SF3B6: variants seen among roughly 807,000 people sequenced by gnomAD.
SF3B6 encodes the protein SF3b 14 kDa subunit.
SF3B6 carries 3 observed loss-of-function variants against 15.9 expected under a neutral mutation model. The observed-to-expected ratio is 0.19, with a 90% CI of 0.09 to 0.49. The LOEUF (loss-of-function observed/expected upper bound fraction) is 0.49, where lower values mean the gene tolerates loss of function less well. SF3B6 is among the 20% of genes least tolerant of loss of function. The pLI, the probability that SF3B6 is intolerant of heterozygous loss-of-function variation, is 0.97. For missense variants in SF3B6, 71 were observed against 154.3 expected, an observed-to-expected ratio of 0.46 and a Z score of 2.86; for synonymous variants, 49 against 51.1, an observed-to-expected ratio of 0.96 and a Z score of 0.18.
At chr2:24,070,157 C>T (rs182760211) in intron 2 of SF3B6, among the ~76,000 whole-genome samples, 34 of 152,338 alleles carry the variant, frequency 2.2e-4, no homozygotes, top group Admixed American at 1.6e-3. Context: ...TAATTATCAA[C>T]CTCACACCTT....
At chr2:24,075,518 C>G (rs974001784) in intron 1 of SF3B6, among the ~76,000 whole-genome samples, 2 of 151,804 alleles carry the variant, frequency 1.3e-5, no homozygotes, top group African/African-American at 4.8e-5. Flanking sequence ...CATGAGCCAC[C>G]TCACTCGGCC....
chr2:24,073,082 A>G (rs968645280), intron 2 of SF3B6, among the ~76,000 whole-genome samples: 4 of 152,204 alleles, frequency 2.6e-5, no homozygotes, highest in Non-Finnish European at 5.9e-5. Context: ...CTGAGTACCA[A>G]TGATCATGTA....
chr2:24,075,538 C>T (rs1664727280), intron 1 of SF3B6, among the ~76,000 whole-genome samples: 1 of 151,268 alleles, frequency 6.6e-6, no homozygotes, highest in Non-Finnish European at 1.5e-5. Flanking sequence ...CTAACTTCAT[C>T]TTACACCTCT....
At position 24,068,376 on chromosome 2, in the gene SF3B6, G is replaced by GT; in HGVS notation, c.232_233insA (p.Ser78TyrfsTer7). ...GTATCTGTTACAAACATTGAATCCC[G>GT]ATAGGTGATCACATGCATTCTTGGC... On this transcript the variant is annotated frameshift_variant, in exon 3 of 4. Coordinates refer to ENST00000233468, the MANE Select transcript of SF3B6 (RefSeq NM_016047.4). LOFTEE classifies it high-confidence loss of function. 2 of 1,614,072 alleles carry GT rather than the reference G, an allele frequency of 1.2e-6. No homozygotes were observed. Among genetic ancestry groups the GT allele is most frequent in the Non-Finnish European group, 1.7e-6 (2 of 1,179,968 alleles).
intron 1 of SF3B6, among the ~76,000 whole-genome samples, chr2:24,075,131 A>T (rs975487852): frequency 2.0e-5 from 3 of 152,032 alleles, no homozygotes; most frequent in African/African-American, 7.2e-5. Context: ...TCCATCTCAA[A>T]AAAAAAAGTC....
chr2:24,068,258 C>T (rs757227213), intron 3 of SF3B6, 63 bp downstream of exon 3: 61 of 1,523,728 alleles, frequency 4.0e-5, no homozygotes, highest in African/African-American at 5.5e-5. Context: ...CCACCGCGCC[C>T]GGCCAGTTCT....
intron 2 of SF3B6, among the ~76,000 whole-genome samples, chr2:24,069,417 G>A (rs895077877): frequency 6.6e-6 from 1 of 152,190 alleles, no homozygotes; most frequent in Non-Finnish European, 1.5e-5. Context: ...GAGGAGCAAC[G>A]CAACGCTAAA....
At chr2:24,075,543 A>G (rs1477274211) in intron 1 of SF3B6, among the ~76,000 whole-genome samples, 2 of 147,398 alleles carry the variant, frequency 1.4e-5, no homozygotes, top group East Asian at 4.0e-4. Flanking sequence ...TTCATCTTAC[A>G]CCTCTAAGCG....
chr2:24,070,334 G>A (rs1030896135), intron 2 of SF3B6, among the ~76,000 whole-genome samples: 1 of 152,164 alleles, frequency 6.6e-6, no homozygotes, highest in Non-Finnish European at 1.5e-5. Flanking sequence ...AGTAGAGATG[G>A]GGTTTTGCCA....
chr2:24,076,273 T>A lies in SF3B6; in HGVS notation c.-44A>T, dbSNP rs769807017. The A allele has an allele frequency of 1.2e-6, 2 of 1,613,466 alleles. No homozygotes were observed. Among genetic ancestry groups the A allele is most frequent in the East Asian group, 4.5e-5 (2 of 44,896 alleles). ...TTACCGTAGCAGATACTGAAATTCC[T>A]CCGGAGCTCGCTCGGCTTCGGGGGT... On this transcript the variant is annotated 5_prime_UTR_variant, in exon 1 of 4. Transcript: ENST00000233468.
chr2:24,068,324 G>A lies in SF3B6; in HGVS notation c.285C>T (p.Asn95=). The part of the protein sequence containing the change: ...RYLVVLYYNA[N]RAFQKMDTKK... ...ATGAGAACTTTGCTATACTTACCCT[G>A]TTGGCATTATAGTACAAAACCACAA... Residue 95 remains asparagine, a synonymous_variant, in exon 3 of 4, where the codon AAC becomes AAT. Coordinates refer to ENST00000233468, the MANE Select transcript of SF3B6 (RefSeq NM_016047.4). The A allele has an allele frequency of 6.2e-7, 1 of 1,612,386 alleles. No individual in the cohort carries two copies. The highest frequency in any genetic ancestry group is 8.5e-7 in the Non-Finnish European group (1 of 1,179,264).
chr2:24,070,698 G>A (rs562644901), intron 2 of SF3B6, among the ~76,000 whole-genome samples: 13 of 152,334 alleles, frequency 8.5e-5, no homozygotes, highest in South Asian at 2.1e-4. Context: ...CAGTGTCCCA[G>A]AAAATCTCTC....
intron 3 of SF3B6, 43 bp from the exon 4 acceptor site, chr2:24,067,894 G>C: frequency 1.3e-6 from 2 of 1,541,932 alleles, no homozygotes; most frequent in Non-Finnish European, 1.8e-6. Flanking sequence ...CCAATCTACA[G>C]CCAAATGAAT....
chr2:24,075,582 G>GT lies in SF3B6; in HGVS notation c.30+617dup, dbSNP rs3030919. 3.4e-3 allele frequency among the ~76,000 whole-genome samples: 469 copies of GT among 139,964 alleles called. 6 individuals are homozygous for GT. In the East Asian group the frequency reaches 0.045, roughly 13 times the overall value. The allele number at this position is 139,964 out of a possible 152,430, so 91.8% of individuals were successfully genotyped here. On this transcript the variant is annotated intron_variant, in intron 1 of 3. Transcript: ENST00000233468. ...TACTGTTGACTAATCTCTTTTTTGA[G>GT]TTTTTTTTTTTTAAAAGTTTCCGTA...
chr2:24,069,172 G>A (rs1386088969), intron 2 of SF3B6, among the ~76,000 whole-genome samples: 1 of 152,208 alleles, frequency 6.6e-6, no homozygotes, highest in Non-Finnish European at 1.5e-5. Context: ...TACAACTCAA[G>A]TGCTAATGCA....
At chr2:24,073,496 G>A (rs1664687693) in intron 2 of SF3B6, among the ~76,000 whole-genome samples, 1 of 152,124 alleles carries the variant, frequency 6.6e-6, no homozygotes, top group South Asian at 2.1e-4. Flanking sequence ...TAGATGTCCA[G>A]TAAATATCAC....
intron 3 of SF3B6, 22 bp downstream of exon 3, chr2:24,068,299 A>G (rs1664595997): frequency 1.9e-6 from 3 of 1,602,662 alleles, no homozygotes; most frequent in Non-Finnish European, 1.7e-6. Context: ...TCACTACACA[A>G]TGAGAACTTT....
intron 2 of SF3B6, among the ~76,000 whole-genome samples, chr2:24,072,311 A>C (rs1258790172): frequency 6.6e-6 from 1 of 152,150 alleles, no homozygotes; most frequent in African/African-American, 2.4e-5. Flanking sequence ...TATATTATTC[A>C]TTTAGTATAC....
chr2:24,075,933 T>G (rs1189894738), intron 1 of SF3B6, among the ~76,000 whole-genome samples: 1 of 151,686 alleles, frequency 6.6e-6, no homozygotes, highest in Non-Finnish European at 1.5e-5. Context: ...GGTCCTTAGG[T>G]GCGGGTCAAG....
Sources: gnomAD v4.1 joint callset for allele counts (sites outside exome capture counted in the v4.1 genomes callset) on GRCh38, gnomAD v4.1.1 for gene constraint, MANE v1.5 for transcripts, NCBI Gene and HGNC (gene_info 2026-07-23, HGNC 2026-07-21) for gene names.